The following UBXN8 variants were observed in gnomAD, a reference collection of about 807,000 sequenced individuals.
UBXN8 encodes UBX domain protein 8.
UBXN8 carries 27 observed loss-of-function variants against 32.1 expected under a neutral mutation model. The ratio of observed to expected loss-of-function variants is 0.84; its 90% CI spans 0.62 to 1.16. The LOEUF is 1.16. UBXN8 is among the 50% of genes most tolerant of loss of function. The pLI is 0.00. For synonymous variants in UBXN8, 109 were observed against 111.8 expected (o/e 0.98, Z 0.16); for missense variants, 306 against 311.4 (o/e 0.98, Z 0.13).
intron 3 of UBXN8, chr8:30,754,311 C>G (rs958064862): frequency 5.2e-6 from 2 of 387,964 alleles, no homozygotes; most frequent in Non-Finnish European, 1.0e-5. Context: ...AAAGATGGCA[C>G]TTGGTTTCCC....
intron 5 of UBXN8, among the ~76,000 whole-genome samples, chr8:30,757,122 C>T (rs1274357899): frequency 6.6e-6 from 1 of 151,202 alleles, no homozygotes; most frequent in African/African-American, 2.4e-5. Context: ...AGTTTGAGAC[C>T]AGCCTGGCCA....
At chr8:30,760,489 G>T (rs1805807144) in intron 5 of UBXN8, among the ~76,000 whole-genome samples, 1 of 125,352 alleles carries the variant, frequency 8.0e-6, no homozygotes, top group Non-Finnish European at 1.6e-5. Flanking sequence ...TGTTGCAATG[G>T]TTGGCCTTGA....
chr8:30,766,036 A>G (rs1457119738), intron 7 of UBXN8, among the ~76,000 whole-genome samples, 191 bp from the exon 8 acceptor site: 1 of 150,748 alleles, frequency 6.6e-6, no homozygotes, highest in Non-Finnish European at 1.5e-5. Context: ...GAATATTCCT[A>G]TCTCTGAACT....
At chr8:30,763,063 C>G in intron 6 of UBXN8, 1 of 525,710 alleles carries the variant, frequency 1.9e-6, no homozygotes, top group Non-Finnish European at 3.4e-6. Flanking sequence ...CGGGGGGTGT[C>G]TCAAACTCCT....
At chr8:30,743,601 A>G (rs1167905438), upstream of UBXN8, among the ~76,000 whole-genome samples, 2 of 152,154 alleles carry the variant, frequency 1.3e-5, no homozygotes, top group African/African-American at 4.8e-5. Flanking sequence ...GGCAAAACTG[A>G]AAAGGGGCGG....
At chr8:30,756,026 TTC>T (rs1488461074) in intron 4 of UBXN8, 1 of 151,974 alleles carries the variant, frequency 6.6e-6, no homozygotes, top group Non-Finnish European at 1.5e-5. Flanking sequence ...ATTTTAAATT[TTC>T]TTTTTTTTTT....
upstream of UBXN8, among the ~76,000 whole-genome samples, chr8:30,739,588 G>A (rs1295558289): frequency 6.6e-6 from 1 of 152,000 alleles, no homozygotes; most frequent in Non-Finnish European, 1.5e-5. Context: ...ACACACAAAT[G>A]AGTATCTGTA....
intron 7 of UBXN8, among the ~76,000 whole-genome samples, chr8:30,765,309 T>C (rs1586109422): frequency 6.6e-6 from 1 of 152,054 alleles, no homozygotes; most frequent in Non-Finnish European, 1.5e-5. Flanking sequence ...GTTCTCACTC[T>C]GTCACCAAGG....
At chr8:30,762,331 C>T (rs1036470754) in intron 6 of UBXN8, among the ~76,000 whole-genome samples, 1 of 152,142 alleles carries the variant, frequency 6.6e-6, no homozygotes, top group African/African-American at 2.4e-5. Context: ...TCACCTTGGC[C>T]TCCCCAAGTG....
At chr8:30,740,482 C>A, upstream of UBXN8, among the ~76,000 whole-genome samples, 1 of 141,686 alleles carries the variant, frequency 7.1e-6, no homozygotes, top group Non-Finnish European at 1.5e-5. Flanking sequence ...GCTAGAGAAT[C>A]ACTTGAGACC....
chr8:30,761,456 GCTGGC>G (rs1280751001), intron 6 of UBXN8, among the ~76,000 whole-genome samples: 1 of 152,124 alleles, frequency 6.6e-6, no homozygotes, highest in Non-Finnish European at 1.5e-5. Flanking sequence ...TGTTGGCCAG[GCTGGC>G]CTGGAACTCC....
Position 30,760,960 on chromosome 8 carries a change from C to T in UBXN8, c.570+31C>T, listed in dbSNP as rs1008070669. 7.7e-6 allele frequency: 11 copies of T among 1,436,206 alleles called. No homozygotes were observed. The African/African-American group carries it at 1.6e-4, about 21-fold the overall frequency. The allele number at this position is 1,436,206 out of a possible 1,614,324, so 89.0% of individuals were successfully genotyped here. A position where few individuals can be genotyped will look rare whatever the true frequency, so the allele number is the denominator to read the frequency against. On this transcript the variant is annotated intron_variant, in intron 6 of 7. Transcript: ENST00000265616. ...TCTATTTTTCTCTTCGAAAATTAAA[C>T]TTATTTTCTATTTTCTTTGCTTAAC...
chr8:30,754,516 C>T, intron 3 of UBXN8, 149 bp from the exon 4 acceptor site: 1 of 1,066,372 alleles, frequency 9.4e-7, no homozygotes, highest in Non-Finnish European at 1.4e-6. Flanking sequence ...GCACGAGCCT[C>T]CCCACAACCA....
intron 1 of UBXN8, among the ~76,000 whole-genome samples, chr8:30,736,887 ACT>A (rs1312448581): frequency 1.3e-5 from 2 of 152,140 alleles, no homozygotes; most frequent in Non-Finnish European, 2.9e-5. Flanking sequence ...GTACTACCAC[ACT>A]GTCTAGTTCT....
At chr8:30,754,294 A>C in intron 3 of UBXN8, 1 of 362,492 alleles carries the variant, frequency 2.8e-6, no homozygotes, top group Non-Finnish European at 5.5e-6. Context: ...TTAAGATCTG[A>C]AATTCTAAAG....
chr8:30,759,678 C>G (rs1030337381), intron 5 of UBXN8, among the ~76,000 whole-genome samples: 1 of 150,254 alleles, frequency 6.7e-6, no homozygotes, highest in Non-Finnish European at 1.5e-5. Context: ...GTATATGGGC[C>G]GGGTGTGGTG....
intron 6 of UBXN8, among the ~76,000 whole-genome samples, chr8:30,762,473 A>G (rs1280988680): frequency 6.6e-6 from 1 of 152,078 alleles, no homozygotes; most frequent in Non-Finnish European, 1.5e-5. Context: ...GGCTCTCTGA[A>G]ACCTCTGCTT....
chr8:30,743,112 AGG>A (rs1805248499), upstream of UBXN8, among the ~76,000 whole-genome samples: 1 of 151,958 alleles, frequency 6.6e-6, no homozygotes, highest in Non-Finnish European at 1.5e-5. Flanking sequence ...TTGGGATTAC[AGG>A]CGTGAGCCAC....
intron 2 of UBXN8, 105 bp from the exon 3 acceptor site, chr8:30,752,930 A>G: frequency 1.5e-6 from 2 of 1,315,790 alleles, no homozygotes; most frequent in Non-Finnish European, 2.0e-6. Flanking sequence ...TCTCCCCATC[A>G]TAGACTTTAG....
Sources: allele counts gnomAD v4.1 joint callset (sites outside exome capture counted in the v4.1 genomes callset), GRCh38; gene constraint gnomAD v4.1.1; transcripts MANE v1.5; gene names NCBI Gene and HGNC (gene_info 2026-07-23, HGNC 2026-07-21).